DNAH8: variants seen among roughly 807,000 people sequenced by gnomAD.
DNAH8 encodes axonemal beta dynein heavy chain 8.
Under a neutral mutation model 562.1 loss-of-function variants are expected in DNAH8, and 382 were observed. The observed-to-expected ratio is 0.68, with a 90% confidence interval of 0.63 to 0.74. The LOEUF (loss-of-function observed/expected upper bound fraction) is 0.74. Ranked by LOEUF, DNAH8 falls within the 30% of genes least tolerant of loss-of-function variation. The pLI is 0.00. For synonymous variants in DNAH8, 1,881 were observed against 1,919.4 expected, an observed-to-expected ratio of 0.98 and a Z score of 0.52; for missense variants, 5,203 against 5,620.4, an observed-to-expected ratio of 0.93 and a Z score of 2.37.
intron 91 of DNAH8, among the ~76,000 whole-genome samples, chr6:39,020,306 T>G (rs901602035): frequency 6.6e-6 from 1 of 152,170 alleles, no homozygotes; most frequent in Non-Finnish European, 1.5e-5. Context: ...CTCTTCCCAC[T>G]TGTCAAACTT....
intron 35 of DNAH8, among the ~76,000 whole-genome samples, chr6:38,843,890 C>T (rs1403019693): frequency 6.6e-6 from 1 of 152,130 alleles, no homozygotes; most frequent in African/African-American, 2.4e-5. Flanking sequence ...TTTGTGGTTG[C>T]CTCCTACACT....
intron 82 of DNAH8, among the ~76,000 whole-genome samples, chr6:38,964,570 T>C (rs1204882914): frequency 6.6e-6 from 1 of 151,720 alleles, no homozygotes; most frequent in Non-Finnish European, 1.5e-5. Context: ...TCCAGATTTA[T>C]ATACAAGGGT....
rs16891233 is a variant in DNAH8 at position 38,904,224 on chromosome 6, G to T, written c.9195-2030G>T. ...GTCTGAGGTGTCTGCAGAACACAGT[G>T]TCCATAGATAATAAGACTCATGGAT... On this transcript the variant is annotated intron_variant, in intron 62 of 92. Transcript: ENST00000327475. Among the ~76,000 whole-genome samples the T allele has an allele frequency of 0.012, 1,788 of 152,302 alleles. 93 individuals are homozygous for T. The East Asian group carries it at 0.15, about 13-fold the overall frequency.
intron 91 of DNAH8, among the ~76,000 whole-genome samples, chr6:39,022,400 CACT>C (rs1268446725): frequency 1.3e-5 from 2 of 152,192 alleles, no homozygotes; most frequent in African/African-American, 4.8e-5. Context: ...TCCTGTGAGC[CACT>C]ACTCTGATAT....
At chr6:38,751,171 G>GA (rs1474544085) in intron 9 of DNAH8, among the ~76,000 whole-genome samples, 1 of 152,156 alleles carries the variant, frequency 6.6e-6, no homozygotes, top group African/African-American at 2.4e-5. Flanking sequence ...GCTGACTGGG[G>GA]AGAGTCTTCT....
At chr6:38,753,931 C>T (rs912251103) in intron 9 of DNAH8, among the ~76,000 whole-genome samples, 1 of 152,118 alleles carries the variant, frequency 6.6e-6, no homozygotes, top group African/African-American at 2.4e-5. Context: ...CTCATACACC[C>T]ACTATATCTG....
intron 88 of DNAH8, among the ~76,000 whole-genome samples, chr6:38,990,710 G>A (rs990025928): frequency 6.6e-6 from 1 of 152,152 alleles, no homozygotes; most frequent in African/African-American, 2.4e-5. Flanking sequence ...CGACACAGAT[G>A]CACAGCCCCG....
intron 1 of DNAH8, among the ~76,000 whole-genome samples, chr6:38,715,917 AATAAATAAATATATATATATAT>A (rs1562519856): frequency 9.3e-4 from 47 of 50,410 alleles, no homozygotes; most frequent in African/African-American, 1.4e-3. Flanking sequence ...TAAATAAATA[AATAAATAAATATATATATATAT>A]ATATATATAT....
chr6:38,715,960 A>ATTTTTTTTTT (rs869120118), intron 1 of DNAH8, among the ~76,000 whole-genome samples: 12 of 23,622 alleles, frequency 5.1e-4, no homozygotes, highest in African/African-American at 3.2e-3. Context: ...ATATATATAT[A>ATTTTTTTTTT]TTTTTTTTTT....
chr6:38,850,612 C>T lies in DNAH8; in HGVS notation c.5363+198C>T, dbSNP rs142568150. Among the ~76,000 whole-genome samples the T allele has an allele frequency of 1.1e-4, 16 of 152,268 alleles. No homozygotes were observed. The East Asian group carries it at 2.1e-3, about 20-fold the overall frequency. On this transcript the variant is annotated intron_variant, in intron 38 of 92. Transcript: ENST00000327475. ...GGTGGTTAAGGCATTGTATTAGTTTCGTCAGGCTGCTATAACAAATTTCCA... is the reference window on the plus strand; with the variant it reads ...GGTGGTTAAGGCATTGTATTAGTTTTGTCAGGCTGCTATAACAAATTTCCA...
At chr6:38,720,175 A>G (rs1335544956) in intron 1 of DNAH8, among the ~76,000 whole-genome samples, 3 of 152,140 alleles carry the variant, frequency 2.0e-5, no homozygotes, top group African/African-American at 7.2e-5. Context: ...CTTTCCTACC[A>G]TCCTGGGTTT....
intron 31 of DNAH8, among the ~76,000 whole-genome samples, chr6:38,832,977 A>G (rs1040391150): frequency 6.6e-6 from 1 of 152,150 alleles, no homozygotes; most frequent in East Asian, 1.9e-4. Context: ...GTGAGAAACT[A>G]TAAACTTCTA....
At chr6:38,853,428 T>C in intron 41 of DNAH8, 81 bp downstream of exon 41, 5 of 1,459,320 alleles carry the variant, frequency 3.4e-6, no homozygotes, top group Non-Finnish European at 4.7e-6. Flanking sequence ...GTTGACCTGA[T>C]GGTGTGAGGC....
At chr6:38,922,966 T>A (rs979659484) in intron 71 of DNAH8, 92 bp from the exon 72 acceptor site, 1 of 1,329,206 alleles carries the variant, frequency 7.5e-7, no homozygotes, top group African/African-American at 1.5e-5. Context: ...AAGTAAGAAA[T>A]TCCCCCATGT....
At chr6:38,743,466 C>T (rs936192765) in intron 8 of DNAH8, among the ~76,000 whole-genome samples, 1 of 152,114 alleles carries the variant, frequency 6.6e-6, no homozygotes, top group African/African-American at 2.4e-5. Flanking sequence ...CATAGTTGCA[C>T]AAATATCACC....
chr6:38,987,219 A>T (rs889696305), intron 87 of DNAH8, among the ~76,000 whole-genome samples: 5 of 152,246 alleles, frequency 3.3e-5, no homozygotes, highest in Admixed American at 1.3e-4. Context: ...ACGGAGGGGG[A>T]GGAAGAAGTG....
chr6:38,874,649 A>G (rs1319347377), intron 52 of DNAH8, among the ~76,000 whole-genome samples: 1 of 152,068 alleles, frequency 6.6e-6, no homozygotes, highest in East Asian at 2.0e-4. Flanking sequence ...GATTGCAGGC[A>G]TGAGCCACCA....
chr6:38,915,022 C>T (rs557493758), intron 67 of DNAH8, among the ~76,000 whole-genome samples, 179 bp from the exon 68 acceptor site: 5 of 152,000 alleles, frequency 3.3e-5, no homozygotes, highest in African/African-American at 9.6e-5. Flanking sequence ...TGGAAGACTG[C>T]GAGGAACTGC....
intron 66 of DNAH8, among the ~76,000 whole-genome samples, chr6:38,913,171 C>T (rs1228645516): frequency 6.6e-6 from 1 of 152,204 alleles, no homozygotes; most frequent in Non-Finnish European, 1.5e-5. Flanking sequence ...AGGAATATTA[C>T]ATAACAGTGT....
Sources: allele counts gnomAD v4.1 joint callset (sites outside exome capture counted in the v4.1 genomes callset), GRCh38; gene constraint gnomAD v4.1.1; transcripts MANE v1.5; gene names NCBI Gene and HGNC (gene_info 2026-07-23, HGNC 2026-07-21).